Variants in PALB2 observed in about 807,000 individuals in gnomAD.
PALB2 encodes the protein mutant partner and localizer of BRCA2.
Under a neutral mutation model 107.4 loss-of-function variants are expected in PALB2, and 82 were observed. The observed-to-expected ratio is 0.76, with a 90% CI of 0.64 to 0.92. PALB2 has a LOEUF of 0.92. Ranked by LOEUF, PALB2 falls within the 40% of genes least tolerant of loss-of-function variation. PALB2 has a pLI of 0.00. For synonymous variants in PALB2, 489 were observed against 496.8 expected (o/e 0.98, Z 0.21); for missense variants, 1,374 against 1,379.9 (o/e 1.00, Z 0.07).
intron 10 of PALB2, among the ~76,000 whole-genome samples, chr16:23,614,836 G>C (rs1966655512): frequency 6.6e-6 from 1 of 151,258 alleles, no homozygotes; most frequent in Non-Finnish European, 1.5e-5. Context: ...ATTTTTAGTA[G>C]AGACGGGGTT....
intron 11 of PALB2, among the ~76,000 whole-genome samples, chr16:23,611,460 A>ATTT (rs887018557): frequency 7.1e-6 from 1 of 140,698 alleles, no homozygotes. Flanking sequence ...TATTATTATT[A>ATTT]TTATTATTTT....
chr16:23,627,428 A>G (rs1360579644), intron 6 of PALB2, among the ~76,000 whole-genome samples: 2 of 149,500 alleles, frequency 1.3e-5, no homozygotes, highest in African/African-American at 4.9e-5. Context: ...CGGAGCTTGC[A>G]GTGAGCCGAG....
intron 6 of PALB2, among the ~76,000 whole-genome samples, chr16:23,627,071 GGAGT>G (rs1966844360): frequency 6.6e-6 from 1 of 152,096 alleles, no homozygotes; most frequent in African/African-American, 2.4e-5. Flanking sequence ...TTCCTCGGAG[GGAGT>G]AACATTGAAA....
chr16:23,630,633 A>C (rs1458967580), intron 4 of PALB2, among the ~76,000 whole-genome samples, 164 bp from the exon 5 acceptor site: 1 of 152,248 alleles, frequency 6.6e-6, no homozygotes, highest in Non-Finnish European at 1.5e-5. Context: ...AAGTCCTATC[A>C]AAGAAACATG....
intron 6 of PALB2, among the ~76,000 whole-genome samples, chr16:23,626,715 G>A (rs778903291): frequency 2.2e-4 from 34 of 151,964 alleles, no homozygotes; most frequent in Non-Finnish European, 3.2e-4. Context: ...TTCGCCTCCC[G>A]GGTTCAAGCG....
chr16:23,609,019 G>C (rs1303642956), intron 11 of PALB2, among the ~76,000 whole-genome samples: 1 of 151,846 alleles, frequency 6.6e-6, no homozygotes, highest in African/African-American at 2.4e-5. Context: ...GTAGAGACAG[G>C]GTTTCACCAC....
chr16:23,630,354 T>G lies in PALB2; in HGVS notation c.1800A>C (p.Leu600Phe), dbSNP rs139662375. The stretch of plus-strand genomic sequence containing the variant: ...TACTGAGAAAAGACAGTAGTTGCTT[T>G]AAACTCAGCATTCCATCCCTATGAA... ...APFHRDGMLSLKQLLSFLSIT... is the reference protein window; with the variant it reads ...APFHRDGMLSFKQLLSFLSIT... The change falls in exon 5 of 13, where the codon TTA (leucine) becomes TTC (phenylalanine). Residue 600 changes from leucine (L) to phenylalanine (F), a missense_variant. Coordinates refer to ENST00000261584, the MANE Select transcript of PALB2 (RefSeq NM_024675.4). 6.2e-7 allele frequency: 1 copy of G among 1,614,190 alleles called. No individual in the cohort carries two copies. The highest frequency in any genetic ancestry group is 8.5e-7 in the Non-Finnish European group (1 of 1,180,030).
chr16:23,625,879 G>A (rs985114263), intron 7 of PALB2, among the ~76,000 whole-genome samples: 2 of 151,712 alleles, frequency 1.3e-5, no homozygotes, highest in South Asian at 2.1e-4. Flanking sequence ...TACTTGGGAG[G>A]GTGAGGTGAG....
chr16:23,637,734 A>C, intron 3 of PALB2, 116 bp downstream of exon 3: 1 of 757,140 alleles, frequency 1.3e-6, no homozygotes, highest in Middle Eastern at 3.8e-4. Context: ...ATTAAAATTA[A>C]AATTAAAGCG....
At position 23,605,583 on chromosome 16, in the gene PALB2, A is replaced by G. The variant is rs571884132; in HGVS notation, c.3351-1914T>C. ...ACCATCGCACCCAGCTCATTTTTGTATTTTTAGTGGAGACAGGGTTTCACC... is the reference window on the plus strand; with the variant it reads ...ACCATCGCACCCAGCTCATTTTTGTGTTTTTAGTGGAGACAGGGTTTCACC... On this transcript the variant is annotated intron_variant, in intron 12 of 12. Coordinates refer to ENST00000261584, the MANE Select transcript of PALB2 (RefSeq NM_024675.4). Among the ~76,000 whole-genome samples, 5 of 152,086 alleles carry G rather than the reference A, an allele frequency of 3.3e-5. No individual in the cohort carries two copies. The South Asian group carries it at 1.0e-3, about 32-fold the overall frequency.
intron 1 of PALB2, 139 bp downstream of exon 1, chr16:23,640,971 T>C (rs1006197809): frequency 3.4e-5 from 32 of 930,062 alleles, no homozygotes; most frequent in Non-Finnish European, 4.8e-5. Flanking sequence ...TTTCATTTTC[T>C]GTGCCCCCTC....
At chr16:23,623,501 C>CTTT (rs1189941589) in intron 8 of PALB2, among the ~76,000 whole-genome samples, 8 of 62,548 alleles carry the variant, frequency 1.3e-4, no homozygotes, top group African/African-American at 5.2e-4. Flanking sequence ...CATACCCGGC[C>CTTT]TTTTTTTTTT....
At chr16:23,618,023 GCATGGTGGTGTA>G (rs1440519243) in intron 10 of PALB2, among the ~76,000 whole-genome samples, 1 of 152,074 alleles carries the variant, frequency 6.6e-6, no homozygotes, top group East Asian at 1.9e-4. Flanking sequence ...AATTAGCCAG[GCATGGTGGTGTA>G]CATCTGTGGT....
In PALB2 at chr16:23,637,850, CTGAG is replaced by C; in HGVS notation, c.207_210del (p.His69GlnfsTer107). Reference sequence around the variant, plus strand: ...GCATAAGTGAATGGTCTAGATTTACCTGAGTGTTTTAGCTGCGGTGAGAGATCCT... The same window carrying C: ...GCATAAGTGAATGGTCTAGATTTACCTGTTTTAGCTGCGGTGAGAGATCCT... On this transcript the variant is annotated frameshift_variant and splice_region_variant, in exon 3 of 13. Transcript: ENST00000261584. LOFTEE classifies it high-confidence loss of function. The C allele has an allele frequency of 6.2e-7, 1 of 1,607,086 alleles. No homozygotes were observed.
chr16:23,613,137 A>C (rs1420452988), intron 11 of PALB2, among the ~76,000 whole-genome samples: 2 of 152,128 alleles, frequency 1.3e-5, no homozygotes, highest in Non-Finnish European at 2.9e-5. Context: ...CACCTCGAGA[A>C]TCTATCATTT....
chr16:23,606,936 C>T (rs1966487994), intron 12 of PALB2, among the ~76,000 whole-genome samples: 13 of 151,438 alleles, frequency 8.6e-5, no homozygotes, highest in Admixed American at 8.6e-4. Flanking sequence ...ACCCCAGCCT[C>T]CCGAGTAGCT....
intron 6 of PALB2, 60 bp downstream of exon 6, chr16:23,629,144 C>G: frequency 7.7e-7 from 1 of 1,291,670 alleles, no homozygotes; most frequent in Non-Finnish European, 1.1e-6. Flanking sequence ...GAATTCTTTT[C>G]AGTTCATTAA....
At chr16:23,620,295 T>A (rs1293416443) in intron 10 of PALB2, among the ~76,000 whole-genome samples, 5 of 152,196 alleles carry the variant, frequency 3.3e-5, no homozygotes, top group African/African-American at 1.2e-4. Flanking sequence ...GGGTTCTTTT[T>A]TTTATTTTTT....
At chr16:23,639,951 G>T (rs1223955064) in intron 1 of PALB2, among the ~76,000 whole-genome samples, 2 of 151,996 alleles carry the variant, frequency 1.3e-5, no homozygotes, top group Admixed American at 1.3e-4. Context: ...GCGCGATCTC[G>T]GCAGCTCCCT....
Sources: gnomAD v4.1 joint callset for allele counts (sites outside exome capture counted in the v4.1 genomes callset) on GRCh38, gnomAD v4.1.1 for gene constraint, MANE v1.5 for transcripts, NCBI Gene and HGNC (gene_info 2026-07-23, HGNC 2026-07-21) for gene names.